Variants in NRG3 observed in about 807,000 individuals in gnomAD.
The protein encoded by NRG3 is pro-neuregulin-3, membrane-bound isoform.
Under a neutral mutation model 66.9 loss-of-function variants are expected in NRG3, and 31 were observed. That is an observed-to-expected ratio of 0.46 (90% CI 0.35 to 0.63). The LOEUF (loss-of-function observed/expected upper bound fraction) is 0.63, where lower values mean the gene tolerates loss of function less well. Among genes scored for constraint, NRG3 ranks in the 20% least tolerant of loss-of-function variants. The pLI is 0.00. For synonymous variants in NRG3, 393 were observed against 359.4 expected, an observed-to-expected ratio of 1.09 and a Z score of -1.06; for missense variants, 910 against 878.9, an observed-to-expected ratio of 1.04 and a Z score of -0.45.
intron 2 of NRG3, among the ~76,000 whole-genome samples, chr10:82,710,628 T>C (rs2056608402): frequency 7.0e-6 from 1 of 143,078 alleles, no homozygotes; most frequent in African/African-American, 2.6e-5. Context: ...TTTCTGCAAA[T>C]GGTGGATGTA....
At chr10:82,029,892 C>T (rs1482482034) in intron 1 of NRG3, among the ~76,000 whole-genome samples, 2 of 152,074 alleles carry the variant, frequency 1.3e-5, no homozygotes, top group Non-Finnish European at 2.9e-5. Context: ...TTTACCATCT[C>T]AAGAGGAATT....
At chr10:82,974,032 T>A in intron 7 of NRG3, 117 bp downstream of exon 7, 1 of 1,159,476 alleles carries the variant, frequency 8.6e-7, no homozygotes, top group Non-Finnish European at 1.2e-6. Context: ...GCTTCTCCTG[T>A]AGTTCTCTGT....
rs957240926 is a variant in NRG3, at chr10:82,292,049, G to A, written c.824-66690G>A. ...AATGAAAAAACAAAGTAAAGACTGG[G>A]GGAAAATATTTGCAAACCACATATC... On this transcript the variant is annotated intron_variant, in intron 1 of 8. Coordinates refer to ENST00000372141, the MANE Select transcript of NRG3 (RefSeq NM_001010848.4). Among the ~76,000 whole-genome samples, 8 of 151,988 alleles carry A rather than the reference G, an allele frequency of 5.3e-5. No homozygotes were observed. In the East Asian group the frequency reaches 1.5e-3, roughly 29 times the overall value.
At chr10:82,408,096 AAAG>A (rs1280507471) in intron 2 of NRG3, among the ~76,000 whole-genome samples, 11 of 122,560 alleles carry the variant, frequency 9.0e-5, no homozygotes, top group African/African-American at 3.3e-4. Context: ...AGAAAGAAAG[AAAG>A]AAAGAAAGAA....
chr10:82,067,396 C>A lies in NRG3; in HGVS notation c.823+191233C>A, dbSNP rs928073334. Among the ~76,000 whole-genome samples, 115 of 152,306 alleles carry A rather than the reference C, an allele frequency of 7.6e-4. 7 individuals carry two copies. Among genetic ancestry groups the A allele is most frequent in the Non-Finnish European group, 1.0e-4 (7 of 68,032 alleles). ...TGCTTGCTTTGGAGACAGAGCCTTG[C>A]TCTATCCCCCAGGCGCAATCTTGCC... is the stretch of plus-strand genomic sequence containing the variant. On this transcript the variant is annotated intron_variant, in intron 1 of 8. Transcript: ENST00000372141.
chr10:82,546,265 C>A (rs1162651542), intron 2 of NRG3, among the ~76,000 whole-genome samples: 1 of 152,160 alleles, frequency 6.6e-6, no homozygotes, highest in Non-Finnish European at 1.5e-5. Context: ...ATTACTCATA[C>A]AATTTGAACT....
At chr10:82,703,602 T>C (rs1423509063) in intron 2 of NRG3, among the ~76,000 whole-genome samples, 1 of 152,180 alleles carries the variant, frequency 6.6e-6, no homozygotes, top group African/African-American at 2.4e-5. Context: ...ATGGGTCAGA[T>C]TCGTTCCTTT....
At chr10:82,536,652 C>T (rs1019158942) in intron 2 of NRG3, among the ~76,000 whole-genome samples, 2 of 127,792 alleles carry the variant, frequency 1.6e-5, no homozygotes, top group Admixed American at 1.5e-4. Context: ...GTGCTTAATT[C>T]CCAGCCAAGA....
At chr10:82,132,796 T>C (rs1433086727) in intron 1 of NRG3, among the ~76,000 whole-genome samples, 3 of 151,640 alleles carry the variant, frequency 2.0e-5, no homozygotes, top group African/African-American at 4.8e-5. Flanking sequence ...CATGTTTCAA[T>C]CTTGGTAGGT....
intron 1 of NRG3, among the ~76,000 whole-genome samples, chr10:81,907,971 A>G (rs529481384): frequency 6.6e-6 from 1 of 152,172 alleles, no homozygotes; most frequent in Non-Finnish European, 1.5e-5. Context: ...GTTTATTGCT[A>G]CTTTTTCATC....
intron 2 of NRG3, among the ~76,000 whole-genome samples, chr10:82,735,963 GATTTGT>G (rs1317006002): frequency 3.3e-5 from 5 of 152,082 alleles, no homozygotes; most frequent in African/African-American, 1.2e-4. Flanking sequence ...GTTAAGGCAA[GATTTGT>G]GTTTTTTAAA....
Position 81,875,361 on chromosome 10 carries a change from T to C in NRG3, c.21T>C (p.Ala7=), listed in dbSNP as rs1841523998. The C allele has an allele frequency of 2.0e-6, 2 of 989,114 alleles. No individual in the cohort carries two copies. The highest frequency in any genetic ancestry group is 4.6e-5 in the South Asian group (1 of 21,930). 61.3% of individuals were successfully genotyped at this position (989,114 alleles called of 1,614,324 possible). A position where few individuals can be genotyped will look rare whatever the true frequency, so the allele number is the denominator to read the frequency against. Residue 7 remains alanine (A), a synonymous_variant, in exon 1 of 9, where the codon GCT becomes GCC. Coordinates refer to ENST00000372141, the MANE Select transcript of NRG3 (RefSeq NM_001010848.4). This position sits in a 1 kb window ranked among gnomAD's most constrained non-coding sequence, Gnocchi z 5.3. ...CTAGGATGAGTGAAGGGGCGGCCGC[T>C]GCCTCGCCACCTGGTGCCGCTTCGG... MSEGAA[A]ASPPGAASAA...
At chr10:81,963,122 G>C (rs1220564132) in intron 1 of NRG3, among the ~76,000 whole-genome samples, 5 of 129,642 alleles carry the variant, frequency 3.9e-5, no homozygotes, top group African/African-American at 1.7e-4. Context: ...TGCCACGAGG[G>C]CTCTTTTTTT....
chr10:82,405,714 C>G (rs569889261), intron 2 of NRG3, among the ~76,000 whole-genome samples: 1 of 152,256 alleles, frequency 6.6e-6, no homozygotes, highest in South Asian at 2.1e-4. Flanking sequence ...GTGATCCACC[C>G]GCCTCAGCCT....
chr10:82,776,006 A>C (rs559872635), intron 3 of NRG3, among the ~76,000 whole-genome samples: 1 of 152,286 alleles, frequency 6.6e-6, no homozygotes, highest in African/African-American at 2.4e-5. Flanking sequence ...GAATTTTACT[A>C]TAAATTTATT....
chr10:82,680,121 T>C (rs1025700710), intron 2 of NRG3, among the ~76,000 whole-genome samples: 3 of 152,220 alleles, frequency 2.0e-5, no homozygotes, highest in African/African-American at 7.2e-5. Context: ...CCTTTACTTA[T>C]ATTAACATCA....
At chr10:81,999,146 A>ATATT (rs2061065977) in intron 1 of NRG3, among the ~76,000 whole-genome samples, 1 of 152,218 alleles carries the variant, frequency 6.6e-6, no homozygotes. Flanking sequence ...GATTCCAAAA[A>ATATT]TATTTACTAC....
At chr10:82,598,654 A>G (rs1157845697) in intron 2 of NRG3, among the ~76,000 whole-genome samples, 1 of 152,254 alleles carries the variant, frequency 6.6e-6, no homozygotes, top group African/African-American at 2.4e-5. Context: ...TAGAAAAAAG[A>G]TAAGAACAGG....
At chr10:82,354,807 A>G (rs963622447) in intron 1 of NRG3, among the ~76,000 whole-genome samples, 9 of 152,332 alleles carry the variant, frequency 5.9e-5, no homozygotes, top group African/African-American at 1.9e-4. Context: ...CTCATGGTCC[A>G]GTCAGACAGT....
Sources: gnomAD v4.1 joint callset for allele counts (sites outside exome capture counted in the v4.1 genomes callset) on GRCh38, gnomAD v4.1.1 for gene constraint, Gnocchi (gnomAD v3.1) non-coding constraint, MANE v1.5 for transcripts, NCBI Gene and HGNC (gene_info 2026-07-23, HGNC 2026-07-21) for gene names.